Variants in CACNB4 observed in about 807,000 individuals in gnomAD.
CACNB4 encodes calcium voltage-gated channel auxiliary subunit beta 4, also known as voltage-dependent L-type calcium channel subunit beta-4.
A neutral mutation model predicts 71.2 loss-of-function variants in CACNB4; 32 were observed. The ratio of observed to expected loss-of-function variants is 0.45; its 90% CI spans 0.34 to 0.60. CACNB4 has a LOEUF of 0.60. CACNB4 is among the 20% of genes least tolerant of loss of function. The probability of loss-of-function intolerance (pLI) is 0.01; values close to 1 mark genes in which losing one functional copy is unlikely to be tolerated. For synonymous variants in CACNB4, 231 were observed against 236.9 expected, an observed-to-expected ratio of 0.97 and a Z score of 0.23; for missense variants, 464 against 647.9, an observed-to-expected ratio of 0.72 and a Z score of 3.08.
chr2:151,944,599 C>G (rs2099865123), intron 2 of CACNB4, among the ~76,000 whole-genome samples: 1 of 152,100 alleles, frequency 6.6e-6, no homozygotes, highest in Non-Finnish European at 1.5e-5. Flanking sequence ...CGAGACCAGC[C>G]TGGCCAACAT....
intron 2 of CACNB4, among the ~76,000 whole-genome samples, chr2:151,913,455 G>C (rs914743327): frequency 1.3e-5 from 2 of 152,072 alleles, no homozygotes; most frequent in African/African-American, 4.8e-5. Context: ...GAAATTCTGG[G>C]TTGAAAATTC....
At chr2:152,012,716 C>CA (rs775571950) in intron 2 of CACNB4, among the ~76,000 whole-genome samples, 3 of 151,706 alleles carry the variant, frequency 2.0e-5, no homozygotes, top group Admixed American at 1.3e-4. Context: ...AGTGTTATTC[C>CA]AAAACAGTCA....
intron 9 of CACNB4, among the ~76,000 whole-genome samples, chr2:151,862,549 G>A (rs2099842005): frequency 1.3e-5 from 2 of 152,184 alleles, no homozygotes; most frequent in Non-Finnish European, 2.9e-5. Flanking sequence ...ACTGTTCTGA[G>A]GACTAAAGGG....
At chr2:151,887,809 CAT>C (rs1403338120) in intron 2 of CACNB4, among the ~76,000 whole-genome samples, 3 of 152,114 alleles carry the variant, frequency 2.0e-5, no homozygotes, top group Non-Finnish European at 2.9e-5. Context: ...CCAGATGAAA[CAT>C]CATTTCTTTT....
chr2:151,844,358 A>C (rs1368216565), intron 12 of CACNB4, among the ~76,000 whole-genome samples: 1 of 152,170 alleles, frequency 6.6e-6, no homozygotes, highest in African/African-American at 2.4e-5. Flanking sequence ...CTGAACTTAC[A>C]AGGAAGGGGA....
intron 10 of CACNB4, chr2:151,857,803 G>A (rs763920293): frequency 1.3e-5 from 2 of 152,208 alleles, no homozygotes; most frequent in Non-Finnish European, 2.9e-5. Flanking sequence ...AAATACCTGG[G>A]CCTTATTTAC....
intron 2 of CACNB4, among the ~76,000 whole-genome samples, chr2:151,988,564 T>C (rs908096107): frequency 2.6e-5 from 4 of 152,186 alleles, no homozygotes; most frequent in African/African-American, 9.6e-5. Flanking sequence ...CTGAGTGGCT[T>C]AAACAACAAA....
At chr2:151,965,344 T>C (rs112490861) in intron 2 of CACNB4, among the ~76,000 whole-genome samples, 4,385 of 152,282 alleles carry the variant, frequency 0.029, 64 homozygotes, top group African/African-American at 0.039. Flanking sequence ...ATCCTTTCAC[T>C]TTATCATAGA....
chr2:151,961,283 C>T (rs1460138181), intron 2 of CACNB4, among the ~76,000 whole-genome samples: 2 of 152,194 alleles, frequency 1.3e-5, no homozygotes, highest in Non-Finnish European at 1.5e-5. Context: ...TGGTCTCATT[C>T]GCACTTTCCT....
At chr2:151,950,618 T>TAA (rs763758632) in intron 2 of CACNB4, among the ~76,000 whole-genome samples, 36 of 152,352 alleles carry the variant, frequency 2.4e-4, no homozygotes, top group South Asian at 4.1e-4. Flanking sequence ...ATAAATGGAA[T>TAA]ATTATTCAGT....
chr2:152,098,922 AGGAGAAGGG>A lies in CACNB4; in HGVS notation c.63+18_63+26del. 9.2e-7 allele frequency: 1 copy of A among 1,085,970 alleles called. No homozygotes were observed. Among genetic ancestry groups the A allele is most frequent in the Non-Finnish European group, 1.2e-6 (1 of 841,198 alleles). The allele number at this position is 1,085,970 out of a possible 1,614,324, so 67.3% of individuals were successfully genotyped here. Reference sequence around the variant, plus strand: ...GGTGTGAGGAAGGAAGAGGAGGAAGAGGAGAAGGGGGAGGAGGGGGCGGTACCTGCGAGG... The same window carrying A: ...GGTGTGAGGAAGGAAGAGGAGGAAGAGGAGGAGGGGGCGGTACCTGCGAGG... On this transcript the variant is annotated intron_variant, in intron 1 of 13. Transcript: ENST00000539935. This position sits in a 1 kb window ranked among gnomAD's most constrained non-coding sequence, Gnocchi z 5.3.
intron 2 of CACNB4, among the ~76,000 whole-genome samples, chr2:151,950,203 T>C (rs983096302): frequency 3.3e-5 from 5 of 151,744 alleles, no homozygotes; most frequent in Admixed American, 2.0e-4. Flanking sequence ...GGGGAGACAT[T>C]AAAAAAAACC....
At chr2:151,987,560 A>C (rs17270394) in intron 2 of CACNB4, among the ~76,000 whole-genome samples, 18,465 of 152,274 alleles carry the variant, frequency 0.12, 1,363 homozygotes, top group Middle Eastern at 0.3. Context: ...CAAAGAAAAA[A>C]GCATTAACAA....
chr2:152,019,624 T>C lies in CACNB4; in HGVS notation c.147+78706A>G, dbSNP rs547830291. On this transcript the variant is annotated intron_variant, in intron 2 of 13. Transcript: ENST00000539935. ...CGGAAAAAATAAGTGAATAAAAGTG[T>C]TTTCTGATAACAAGAAAGATGATAT... Among the ~76,000 whole-genome samples, 16 of 152,214 alleles carry C rather than the reference T, an allele frequency of 1.1e-4. No homozygotes were observed. In the South Asian group the frequency reaches 3.1e-3, roughly 30 times the overall value.
intron 2 of CACNB4, chr2:151,974,147 G>C (rs976167886): frequency 6.4e-5 from 11 of 171,978 alleles, no homozygotes; most frequent in Non-Finnish European, 9.4e-5. Flanking sequence ...TATCCAAAAG[G>C]CTGCGTGGAA....
At chr2:151,883,523 T>G in intron 2 of CACNB4, 153 bp from the exon 3 acceptor site, 1 of 713,154 alleles carries the variant, frequency 1.4e-6, no homozygotes, top group Non-Finnish European at 2.5e-6. Context: ...GATGGCAGAA[T>G]ATAGTTAAGC....
At position 151,982,076 on chromosome 2, in the gene CACNB4, G is replaced by A. The variant is rs772561185; in HGVS notation, c.148-98706C>T. On this transcript the variant is annotated intron_variant, in intron 2 of 13. Transcript: ENST00000539935. ...GGTGTCAGGTATGAAGAAAATGGAG[G>A]TTTGGGTGCACACTGCTGAACTTTG... Among the ~76,000 whole-genome samples, 75 of 152,224 alleles carry A rather than the reference G, an allele frequency of 4.9e-4. 1 individual carries two copies. The highest frequency in any genetic ancestry group is 3.4e-3 in the Middle Eastern group (1 of 294).
chr2:151,872,539 G>T, intron 5 of CACNB4, 46 bp from the exon 6 acceptor site: 1 of 1,066,510 alleles, frequency 9.4e-7, no homozygotes, highest in South Asian at 1.3e-5. Context: ...CAGATTCTTT[G>T]AAAATAGAAC....
rs552496857 is a variant in CACNB4 at position 151,966,561 on chromosome 2, G to C, written c.148-83191C>G. On this transcript the variant is annotated intron_variant, in intron 2 of 13. Coordinates refer to ENST00000539935, the MANE Select transcript of CACNB4 (RefSeq NM_000726.5). ...TCCAAAGTGCTGGGATTACAGGTGT[G>C]AGCCACTGCGCCCAGCCTCCCAGCA... 2.0e-5 allele frequency among the ~76,000 whole-genome samples: 3 copies of C among 152,262 alleles called. No homozygotes were observed. In the East Asian group the frequency reaches 5.8e-4, roughly 29 times the overall value.
Sources: gnomAD v4.1 joint callset for allele counts (sites outside exome capture counted in the v4.1 genomes callset) on GRCh38, gnomAD v4.1.1 for gene constraint, Gnocchi (gnomAD v3.1) non-coding constraint, MANE v1.5 for transcripts, NCBI Gene and HGNC (gene_info 2026-07-23, HGNC 2026-07-21) for gene names.